The following BRIP1 variants were observed in gnomAD, a reference collection of about 807,000 sequenced individuals.
BRIP1 encodes the protein Fanconi anemia group J protein.
BRIP1 carries 88 observed loss-of-function variants against 119.7 expected under a neutral mutation model. The ratio of observed to expected loss-of-function variants is 0.74; its 90% CI spans 0.62 to 0.88. The LOEUF (loss-of-function observed/expected upper bound fraction) is 0.88. BRIP1 is among the 40% of genes least tolerant of loss of function. The pLI, the probability that BRIP1 is intolerant of heterozygous loss-of-function variation, is 0.00. For missense variants in BRIP1, 1,259 were observed against 1,455.4 expected (o/e 0.87, Z 2.20); for synonymous variants, 443 against 496.5 (o/e 0.89, Z 1.43).
In BRIP1 at chr17:61,848,501, T is replaced by G. The variant is rs532469675; in HGVS notation, c.507+628A>C. Among the ~76,000 whole-genome samples the G allele has an allele frequency of 6.6e-6, 1 of 152,206 alleles. No individual in the cohort carries two copies. The highest frequency in any genetic ancestry group is 2.4e-5 in the African/African-American group (1 of 41,548). On this transcript the variant is annotated intron_variant, in intron 5 of 19. Transcript: ENST00000259008. The surrounding 1 kb of genome is among the most constrained non-coding windows in gnomAD (Gnocchi z 4.3). Reference sequence around the variant, plus strand: ...TGCTGGGATTACAGTCGTGAGCCACTGTATTCAGCCTAATAATTATCTTTT... The same window carrying G: ...TGCTGGGATTACAGTCGTGAGCCACGGTATTCAGCCTAATAATTATCTTTT...
chr17:61,735,655 G>T lies in BRIP1; in HGVS notation c.2379+7358C>A, dbSNP rs540299856. ...AAAAAAAAACCACGTTTAAAAATTA[G>T]CTGGGTGTGGTGGCGTGTGGCTGTA... On this transcript the variant is annotated intron_variant, in intron 16 of 19. Coordinates refer to ENST00000259008, the MANE Select transcript of BRIP1 (RefSeq NM_032043.3). This position sits in a 1 kb window ranked among gnomAD's most constrained non-coding sequence, Gnocchi z 4.4. Among the ~76,000 whole-genome samples, 1 of 151,784 alleles carries T rather than the reference G, an allele frequency of 6.6e-6. No homozygotes were observed. The highest frequency in any genetic ancestry group is 6.6e-5 in the Admixed American group (1 of 15,266).
rs1415550575 is a variant in BRIP1, at chr17:61,852,925, C to G, written c.380-3669G>C. 6.6e-6 allele frequency among the ~76,000 whole-genome samples: 1 copy of G among 152,062 alleles called. No homozygotes were observed. The highest frequency in any genetic ancestry group is 2.4e-5 in the African/African-American group (1 of 41,410). ...CCGGGGACGCATAAATTGATTCAAC[C>G]ACTTTAGAAAATGTTGTCAGTATCT... On this transcript the variant is annotated intron_variant, in intron 4 of 19. Coordinates refer to ENST00000259008, the MANE Select transcript of BRIP1 (RefSeq NM_032043.3). This position sits in a 1 kb window ranked among gnomAD's most constrained non-coding sequence, Gnocchi z 4.9.
Position 61,735,639 on chromosome 17 carries a change from C to A in BRIP1, c.2379+7374G>T, listed in dbSNP as rs73328552. ...TCCTGCCTCTACAAAAAAAAAAAAA[C>A]CACGTTTAAAAATTAGCTGGGTGTG... On this transcript the variant is annotated intron_variant, in intron 16 of 19. Transcript: ENST00000259008. The surrounding 1 kb of genome is among the most constrained non-coding windows in gnomAD (Gnocchi z 4.4). Among the ~76,000 whole-genome samples, 1,768 of 150,064 alleles carry A rather than the reference C, an allele frequency of 0.012. 37 individuals are homozygous for A. The highest frequency in any genetic ancestry group is 0.039 in the African/African-American group (1,599 of 40,678).
Position 61,687,273 on chromosome 17 carries a change from T to C in BRIP1, c.2576-1108A>G, listed in dbSNP as rs1361952574. ...AATAAGTAAATAAAAATAAGAATTT[T>C]AGTACTATATTTACCTCTTCATTTC... is the stretch of plus-strand genomic sequence containing the variant. On this transcript the variant is annotated intron_variant, in intron 18 of 19. Coordinates refer to ENST00000259008, the MANE Select transcript of BRIP1 (RefSeq NM_032043.3). This position sits in a 1 kb window ranked among gnomAD's most constrained non-coding sequence, Gnocchi z 5.1. Among the ~76,000 whole-genome samples the C allele has an allele frequency of 6.6e-6, 1 of 152,116 alleles. No homozygotes were observed. Among genetic ancestry groups the C allele is most frequent in the Non-Finnish European group, 1.5e-5 (1 of 68,012 alleles).
In BRIP1 at chr17:61,824,393, A is replaced by G. The variant is rs1420845879; in HGVS notation, c.628-15636T>C. 1.3e-5 allele frequency among the ~76,000 whole-genome samples: 2 copies of G among 152,204 alleles called. No homozygotes were observed. Among genetic ancestry groups the G allele is most frequent in the African/African-American group, 4.8e-5 (2 of 41,454 alleles). ...AAAAGAACAAAACTGGAGGTCTCAC[A>G]TTTTCTGATTTCTAAACTTACTACA... is the stretch of plus-strand genomic sequence containing the variant. On this transcript the variant is annotated intron_variant, in intron 6 of 19. Coordinates refer to ENST00000259008, the MANE Select transcript of BRIP1 (RefSeq NM_032043.3). The surrounding 1 kb of genome is among the most constrained non-coding windows in gnomAD (Gnocchi z 4.3).
In BRIP1 at chr17:61,717,005, GTT is replaced by G. The variant is rs1269898578; in HGVS notation, c.2380-944_2380-943del. On this transcript the variant is annotated intron_variant, in intron 16 of 19. Coordinates refer to ENST00000259008, the MANE Select transcript of BRIP1 (RefSeq NM_032043.3). This position sits in a 1 kb window ranked among gnomAD's most constrained non-coding sequence, Gnocchi z 4.1. The stretch of plus-strand genomic sequence containing the variant: ...TATGCTATTGCTGCCATACATTTTA[GTT>G]TTATACATGCTATAAACCCATAAAA... Among the ~76,000 whole-genome samples the G allele has an allele frequency of 6.6e-6, 1 of 151,666 alleles. No homozygotes were observed. Among genetic ancestry groups the G allele is most frequent in the Non-Finnish European group, 1.5e-5 (1 of 67,856 alleles).
At chr17:61,801,131 T>C (rs1402734627) in intron 8 of BRIP1, 122 bp downstream of exon 8, 1 of 880,242 alleles carries the variant, frequency 1.1e-6, no homozygotes, top group African/African-American at 1.8e-5. Context: ...CTCTAATATG[T>C]TTACACAAAT....
At position 61,861,601 on chromosome 17, in the gene BRIP1, G is replaced by A. The variant is rs2145867674; in HGVS notation, c.-30-32C>T. The A allele has an allele frequency of 8.0e-7, 1 of 1,254,782 alleles. No individual in the cohort carries two copies. The highest frequency in any genetic ancestry group is 1.2e-6 in the Non-Finnish European group (1 of 855,256). The allele number at this position is 1,254,782 out of a possible 1,614,324, so 77.7% of individuals were successfully genotyped here. A position where few individuals can be genotyped will look rare whatever the true frequency, so the allele number is the denominator to read the frequency against. ...CAGAAATGAAAATGTCAAATATTGA[G>A]ACACGCCTTACAAAGAAAACCAGAG... On this transcript the variant is annotated intron_variant, in intron 1 of 19. Transcript: ENST00000259008. This position sits in a 1 kb window ranked among gnomAD's most constrained non-coding sequence, Gnocchi z 4.5.
rs544772199 is a variant in BRIP1 at position 61,834,140 on chromosome 17, AG to A, written c.627+12960del. Among the ~76,000 whole-genome samples the A allele has an allele frequency of 5.1e-4, 78 of 152,328 alleles. No homozygotes were observed. The highest frequency in any genetic ancestry group is 1.8e-3 in the African/African-American group (74 of 41,566). On this transcript the variant is annotated intron_variant, in intron 6 of 19. Coordinates refer to ENST00000259008, the MANE Select transcript of BRIP1 (RefSeq NM_032043.3). This position sits in a 1 kb window ranked among gnomAD's most constrained non-coding sequence, Gnocchi z 4.4. ...ATAGGAAAAAAGATTACGACAAAAA[AG>A]TATCCATCAAAATAGACCTGCTAAA... is the stretch of plus-strand genomic sequence containing the variant.
rs1359778446 is a variant in BRIP1, at chr17:61,725,152, C to T, written c.2380-9089G>A. 1.3e-5 allele frequency among the ~76,000 whole-genome samples: 2 copies of T among 151,346 alleles called. No homozygotes were observed. Among genetic ancestry groups the T allele is most frequent in the African/African-American group, 2.4e-5 (1 of 41,004 alleles). ...GTGTGTGTGTGTGTGTGTGTATATA[C>T]ACTTTTTTTAAATGGGGAAAATGAG... On this transcript the variant is annotated intron_variant, in intron 16 of 19. Transcript: ENST00000259008. This position sits in a 1 kb window ranked among gnomAD's most constrained non-coding sequence, Gnocchi z 5.3.
Position 61,683,105 on chromosome 17 carries a change from T to C in BRIP1, c.*191A>G. 1 of 632,580 alleles carries C rather than the reference T, an allele frequency of 1.6e-6. No homozygotes were observed. Among genetic ancestry groups the C allele is most frequent in the Non-Finnish European group, 2.6e-6 (1 of 386,158 alleles). The allele number at this position is 632,580 out of a possible 1,614,324, so 39.2% of individuals were successfully genotyped here. A position where few individuals can be genotyped will look rare whatever the true frequency, so the allele number is the denominator to read the frequency against. ...CAGAGCACACCACTGCATTCCAGCC[T>C]GGGCAACAGACCAAGACTCTGTCTC... is the stretch of plus-strand genomic sequence containing the variant. On this transcript the variant is annotated 3_prime_UTR_variant, in exon 20 of 20. Transcript: ENST00000259008. This position sits in a 1 kb window ranked among gnomAD's most constrained non-coding sequence, Gnocchi z 4.7.
At chr17:61,764,153 G>C (rs1266554770) in intron 14 of BRIP1, among the ~76,000 whole-genome samples, 1 of 152,170 alleles carries the variant, frequency 6.6e-6, no homozygotes, top group Admixed American at 6.5e-5. Context: ...ATTTGCGCTG[G>C]CCTTACTCTA....
rs1034264697 is a variant in BRIP1 at position 61,753,347 on chromosome 17, C to T, written c.2098-8756G>A. On this transcript the variant is annotated intron_variant, in intron 14 of 19. Coordinates refer to ENST00000259008, the MANE Select transcript of BRIP1 (RefSeq NM_032043.3). This position sits in a 1 kb window ranked among gnomAD's most constrained non-coding sequence, Gnocchi z 4.6. ...ACTAAGACAGTACCATTCATTCATACAGGCAACACTGGCAAAGGACCAAGA... is the reference window on the plus strand; with the variant it reads ...ACTAAGACAGTACCATTCATTCATATAGGCAACACTGGCAAAGGACCAAGA... Among the ~76,000 whole-genome samples the T allele has an allele frequency of 3.9e-5, 6 of 152,154 alleles. No individual in the cohort carries two copies. The highest frequency in any genetic ancestry group is 5.9e-5 in the Non-Finnish European group (4 of 68,034).
At chr17:61,721,824 C>A (rs9905729) in intron 16 of BRIP1, among the ~76,000 whole-genome samples, 6,039 of 149,184 alleles carry the variant, frequency 0.04, 446 homozygotes, top group African/African-American at 0.14. Flanking sequence ...CAGCCTCCCA[C>A]GTAGCTGGGA....
chr17:61,814,972 C>T lies in BRIP1; in HGVS notation c.628-6215G>A, dbSNP rs2145479364. 2.0e-5 allele frequency among the ~76,000 whole-genome samples: 3 copies of T among 151,460 alleles called. No homozygotes were observed. The South Asian group carries it at 6.3e-4, about 32-fold the overall frequency. ...ATGGCTTAAACAAAATTGTATTTTC[C>T]CCATAAAATTCTAAATAAGTTGATG... On this transcript the variant is annotated intron_variant, in intron 6 of 19. Transcript: ENST00000259008. This position sits in a 1 kb window ranked among gnomAD's most constrained non-coding sequence, Gnocchi z 4.9.
Position 61,740,254 on chromosome 17 carries a change from T to C in BRIP1, c.2379+2759A>G, listed in dbSNP as rs189145101. On this transcript the variant is annotated intron_variant, in intron 16 of 19. Transcript: ENST00000259008. The surrounding 1 kb of genome is among the most constrained non-coding windows in gnomAD (Gnocchi z 5.4). ...GGACACTGGAAAGAAGCGAGCCAGA[T>C]GGACAAAAGACCCCAGGATTCCCCG... 6.6e-6 allele frequency among the ~76,000 whole-genome samples: 1 copy of C among 152,196 alleles called. No individual in the cohort carries two copies. The highest frequency in any genetic ancestry group is 2.4e-5 in the African/African-American group (1 of 41,536).
Position 61,778,362 on chromosome 17 carries a change from G to T in BRIP1, c.1936-1800C>A, listed in dbSNP as rs1408452527. Among the ~76,000 whole-genome samples, 1 of 152,132 alleles carries T rather than the reference G, an allele frequency of 6.6e-6. No homozygotes were observed. The highest frequency in any genetic ancestry group is 1.5e-5 in the Non-Finnish European group (1 of 68,044). On this transcript the variant is annotated intron_variant, in intron 13 of 19. Coordinates refer to ENST00000259008, the MANE Select transcript of BRIP1 (RefSeq NM_032043.3). This position sits in a 1 kb window ranked among gnomAD's most constrained non-coding sequence, Gnocchi z 4.4. Reference sequence around the variant, plus strand: ...GGAGAATAGAGAGCTGTTGTTTAATGGGAACAGAGTTTCAGTTTTTCAAGA... The same window carrying T: ...GGAGAATAGAGAGCTGTTGTTTAATTGGAACAGAGTTTCAGTTTTTCAAGA...
rs2061507336 is a variant in BRIP1, at chr17:61,695,520, A to G, written c.2493-2008T>C. ...TAGAATCAGCTTCTCAATTCCTGCCAGAAAGTCAGCTGGGATTTTGATTAG... is the reference window on the plus strand; with the variant it reads ...TAGAATCAGCTTCTCAATTCCTGCCGGAAAGTCAGCTGGGATTTTGATTAG... On this transcript the variant is annotated intron_variant, in intron 17 of 19. Coordinates refer to ENST00000259008, the MANE Select transcript of BRIP1 (RefSeq NM_032043.3). This position sits in a 1 kb window ranked among gnomAD's most constrained non-coding sequence, Gnocchi z 4.3. Among the ~76,000 whole-genome samples the G allele has an allele frequency of 6.6e-6, 1 of 152,122 alleles. No individual in the cohort carries two copies. The highest frequency in any genetic ancestry group is 6.5e-5 in the Admixed American group (1 of 15,270).
Position 61,849,363 on chromosome 17 carries a change from A to C in BRIP1, c.380-107T>G, listed in dbSNP as rs373953110. On this transcript the variant is annotated intron_variant, in intron 4 of 19. Transcript: ENST00000259008. ...TAAGGCTTATTTCTAGAAATTTCAT[A>C]CCATAATCTAAAACATGAAACTTAA... The C allele has an allele frequency of 1.2e-5, 11 of 918,214 alleles. No homozygotes were observed. The African/African-American group carries it at 1.5e-4, about 13-fold the overall frequency. The allele number at this position is 918,214 out of a possible 1,614,324, so 56.9% of individuals were successfully genotyped here.
Sources: gnomAD v4.1 joint callset for allele counts (sites outside exome capture counted in the v4.1 genomes callset) on GRCh38, gnomAD v4.1.1 for gene constraint, Gnocchi (gnomAD v3.1) non-coding constraint, MANE v1.5 for transcripts, NCBI Gene and HGNC (gene_info 2026-07-23, HGNC 2026-07-21) for gene names.